The following DCBLD2 variants were observed in gnomAD, a reference collection of about 807,000 sequenced individuals.
DCBLD2 encodes discoidin, CUB and LCCL domain-containing protein 2.
A neutral mutation model predicts 86.8 loss-of-function variants in DCBLD2; 54 were observed. That is an observed-to-expected ratio of 0.62 (90% CI 0.50 to 0.78). The LOEUF is 0.78. DCBLD2 is among the 30% of genes least tolerant of loss of function. The pLI is 0.00. For missense variants in DCBLD2, 908 were observed against 954.2 expected, an observed-to-expected ratio of 0.95 and a Z score of 0.64; for synonymous variants, 354 against 341.3, an observed-to-expected ratio of 1.04 and a Z score of -0.41.
At chr3:98,800,840 C>G (rs1200505502) in intron 14 of DCBLD2, 124 bp from the exon 15 acceptor site, 6 of 1,319,456 alleles carry the variant, frequency 4.5e-6, no homozygotes, top group Non-Finnish European at 6.2e-6. Context: ...ACAAACTTGC[C>G]TTTATAATCC....
At chr3:98,858,084 C>T (rs1434278402) in intron 2 of DCBLD2, among the ~76,000 whole-genome samples, 2 of 152,240 alleles carry the variant, frequency 1.3e-5, no homozygotes, top group African/African-American at 4.8e-5. Flanking sequence ...CAGGCTCAGG[C>T]ATGGCGGGCT....
chr3:98,808,213 T>A, intron 12 of DCBLD2, 39 bp from the exon 13 acceptor site: 1 of 1,526,410 alleles, frequency 6.6e-7, no homozygotes, highest in Non-Finnish European at 8.8e-7. Context: ...ACAAAAGCCA[T>A]ATTAACACCA....
At position 98,838,601 on chromosome 3, in the gene DCBLD2, G is replaced by A. The variant is rs1188596618; in HGVS notation, c.571+10860C>T. Among the ~76,000 whole-genome samples, 7 of 150,936 alleles carry A rather than the reference G, an allele frequency of 4.6e-5. No homozygotes were observed. In the East Asian group the frequency reaches 7.9e-4, roughly 17 times the overall value. On this transcript the variant is annotated intron_variant, in intron 3 of 15. Coordinates refer to ENST00000326840, the MANE Select transcript of DCBLD2 (RefSeq NM_080927.4). Reference sequence around the variant, plus strand: ...CAGAGGGGCTCCTCACATCCCAGACGATGGGCGGCCAGGCAGAGACACTCT... The same window carrying A: ...CAGAGGGGCTCCTCACATCCCAGACAATGGGCGGCCAGGCAGAGACACTCT...
intron 12 of DCBLD2, 92 bp downstream of exon 12, chr3:98,811,102 A>C (rs1477719952): frequency 5.7e-6 from 8 of 1,392,544 alleles, no homozygotes; most frequent in Non-Finnish European, 7.6e-6. Flanking sequence ...AGTTGGAAGA[A>C]AATAAACTGA....
At chr3:98,859,216 A>G (rs1392754018) in intron 2 of DCBLD2, among the ~76,000 whole-genome samples, 1 of 152,192 alleles carries the variant, frequency 6.6e-6, no homozygotes, top group Non-Finnish European at 1.5e-5. Flanking sequence ...GTAGGTAAAC[A>G]AAGCGGCCAG....
At chr3:98,863,022 G>A (rs971100427) in intron 2 of DCBLD2, among the ~76,000 whole-genome samples, 6 of 152,188 alleles carry the variant, frequency 3.9e-5, no homozygotes, top group African/African-American at 9.7e-5. Flanking sequence ...CTTCAGCAAA[G>A]TCTCAGGATA....
At chr3:98,893,626 C>T (rs1255343674) in intron 1 of DCBLD2, among the ~76,000 whole-genome samples, 5 of 152,018 alleles carry the variant, frequency 3.3e-5, no homozygotes, top group South Asian at 2.1e-4. Context: ...TTAGAAAGCT[C>T]GTCACTGAAA....
At position 98,821,626 on chromosome 3, in the gene DCBLD2, C is replaced by G. The variant is rs561824147; in HGVS notation, c.830+602G>C. On this transcript the variant is annotated intron_variant, in intron 6 of 15. Transcript: ENST00000326840. The stretch of plus-strand genomic sequence containing the variant: ...TAAATAAGGATTTGGCAACAAACTT[C>G]TAGACTCTTATGTAGACTTTTTTTT... Among the ~76,000 whole-genome samples, 32 of 152,246 alleles carry G rather than the reference C, an allele frequency of 2.1e-4. No homozygotes were observed. The South Asian group carries it at 6.4e-3, about 31-fold the overall frequency.
chr3:98,874,705 G>A (rs1440506727), intron 2 of DCBLD2, among the ~76,000 whole-genome samples: 2 of 152,134 alleles, frequency 1.3e-5, no homozygotes, highest in African/African-American at 4.8e-5. Context: ...TTTTCCTAAG[G>A]TGGGGCGCTG....
At chr3:98,842,219 C>A (rs1942634722) in intron 3 of DCBLD2, among the ~76,000 whole-genome samples, 1 of 152,184 alleles carries the variant, frequency 6.6e-6, no homozygotes. Context: ...GAGCCTTAAA[C>A]AATATGTGGT....
intron 3 of DCBLD2, among the ~76,000 whole-genome samples, chr3:98,846,804 A>T (rs1477420327): frequency 6.6e-6 from 1 of 152,204 alleles, no homozygotes; most frequent in Non-Finnish European, 1.5e-5. Context: ...ATTCTTAAGT[A>T]AATTTCATGC....
chr3:98,867,344 G>C (rs1476162061), intron 2 of DCBLD2, among the ~76,000 whole-genome samples: 1 of 152,168 alleles, frequency 6.6e-6, no homozygotes, highest in African/African-American at 2.4e-5. Flanking sequence ...CATGAGCATG[G>C]AATGTTCTTC....
At chr3:98,879,353 C>A (rs1284740885) in intron 2 of DCBLD2, among the ~76,000 whole-genome samples, 1 of 152,166 alleles carries the variant, frequency 6.6e-6, no homozygotes, top group Admixed American at 6.5e-5. Context: ...TCTTTACCAT[C>A]ACTGAATGCC....
intron 3 of DCBLD2, among the ~76,000 whole-genome samples, chr3:98,839,903 G>A (rs1346323229): frequency 6.6e-6 from 1 of 152,200 alleles, no homozygotes; most frequent in Non-Finnish European, 1.5e-5. Flanking sequence ...TGACATTTAA[G>A]TAAAACTCTT....
chr3:98,857,175 G>A (rs1388425808), intron 2 of DCBLD2, among the ~76,000 whole-genome samples: 3 of 152,054 alleles, frequency 2.0e-5, no homozygotes, highest in African/African-American at 4.8e-5. Context: ...AAGGCGGCAC[G>A]TCTGGAGTTG....
At chr3:98,885,938 TATC>T (rs985213629) in intron 1 of DCBLD2, among the ~76,000 whole-genome samples, 6 of 151,624 alleles carry the variant, frequency 4.0e-5, no homozygotes, top group Admixed American at 2.6e-4. Flanking sequence ...TAAAACATCT[TATC>T]ATGCACAGGA....
At chr3:98,862,195 G>A (rs1039320606) in intron 2 of DCBLD2, among the ~76,000 whole-genome samples, 3 of 152,092 alleles carry the variant, frequency 2.0e-5, no homozygotes, top group Admixed American at 6.5e-5. Flanking sequence ...TCCCTGAACA[G>A]ACCAATAACA....
In DCBLD2 at chr3:98,804,165, C is replaced by A. The variant is rs552660940; in HGVS notation, c.1671-2516G>T. 7.9e-5 allele frequency among the ~76,000 whole-genome samples: 12 copies of A among 152,310 alleles called. No homozygotes were observed. In the East Asian group the frequency reaches 1.7e-3, roughly 22 times the overall value. On this transcript the variant is annotated intron_variant, in intron 13 of 15. Coordinates refer to ENST00000326840, the MANE Select transcript of DCBLD2 (RefSeq NM_080927.4). Reference sequence around the variant, plus strand: ...CCTCTGGTAGAATTCGGCTATGAATCCGTCTGGTCCTGGACTTTTTTTGGT... The same window carrying A: ...CCTCTGGTAGAATTCGGCTATGAATACGTCTGGTCCTGGACTTTTTTTGGT...
chr3:98,886,811 T>C lies in DCBLD2; in HGVS notation c.206-5044A>G, dbSNP rs867810158. Among the ~76,000 whole-genome samples, 218 of 97,108 alleles carry C rather than the reference T, an allele frequency of 2.2e-3. 1 individual carries two copies. The highest frequency in any genetic ancestry group is 0.014 in the South Asian group (37 of 2,554). The allele number at this position is 97,108 out of a possible 152,430, so 63.7% of individuals were successfully genotyped here. A position where few individuals can be genotyped will look rare whatever the true frequency, so the allele number is the denominator to read the frequency against. On this transcript the variant is annotated intron_variant, in intron 1 of 15. Coordinates refer to ENST00000326840, the MANE Select transcript of DCBLD2 (RefSeq NM_080927.4). ...ATTATTACAGGAAAACCCCCCCCCT[T>C]TTTTTTTTTTTTTTACTACTTATCC...
Sources: gnomAD v4.1 joint callset for allele counts (sites outside exome capture counted in the v4.1 genomes callset) on GRCh38, gnomAD v4.1.1 for gene constraint, MANE v1.5 for transcripts, NCBI Gene and HGNC (gene_info 2026-07-23, HGNC 2026-07-21) for gene names.